ACAN: variants seen among roughly 807,000 people sequenced by gnomAD.
ACAN encodes aggrecan, also known as aggrecan core protein.
Under a neutral mutation model 169.1 loss-of-function variants are expected in ACAN, and 47 were observed. That is an observed-to-expected ratio of 0.28 (90% CI 0.22 to 0.35). The LOEUF (loss-of-function observed/expected upper bound fraction) is 0.35, where lower values mean the gene tolerates loss of function less well. Among genes scored for constraint, ACAN ranks in the 10% least tolerant of loss-of-function variants. ACAN has a pLI of 1.00. For missense variants in ACAN, 2,716 were observed against 2,759.9 expected (o/e 0.98, Z 0.36); for synonymous variants, 1,115 against 1,112.2 (o/e 1.00, Z -0.05).
At chr15:88,865,047 C>G (rs1188440315) in intron 13 of ACAN, among the ~76,000 whole-genome samples, 1 of 152,220 alleles carries the variant, frequency 6.6e-6, no homozygotes, top group Admixed American at 6.5e-5. Context: ...CCAATTCAGA[C>G]AACCACGTGA....
At chr15:88,815,965 A>G (rs557323084) in intron 1 of ACAN, among the ~76,000 whole-genome samples, 80 of 152,270 alleles carry the variant, frequency 5.3e-4, no homozygotes, top group Admixed American at 5.2e-4. Context: ...TCTGAAACCT[A>G]TGGGAAATCC....
At chr15:88,865,537 G>A (rs1177530892) in intron 13 of ACAN, among the ~76,000 whole-genome samples, 3 of 152,302 alleles carry the variant, frequency 2.0e-5, no homozygotes, top group South Asian at 4.1e-4. Flanking sequence ...GCCATTGGAA[G>A]GATAATGAAG....
At chr15:88,829,298 T>C (rs557320928) in intron 1 of ACAN, among the ~76,000 whole-genome samples, 14 of 152,334 alleles carry the variant, frequency 9.2e-5, no homozygotes, top group Admixed American at 8.5e-4. Flanking sequence ...GCTTGCATGA[T>C]GATCCCAATT....
rs1897079947 is a variant in ACAN, at chr15:88,857,394, C to G, written c.4809C>G (p.Asp1603Glu). The change falls in exon 12 of 19, where the codon GAC becomes GAG. Residue 1603 changes from aspartate (D) to glutamate (E), a missense_variant. Coordinates refer to ENST00000560601, the MANE Select transcript of ACAN (RefSeq NM_001369268.1). The stretch of plus-strand genomic sequence containing the variant: ...ACTTGGTGGGGTCAGCTTCTGGAGA[C>G]TTGGACTTGGGCAAACTGCCTTCTG... The part of the protein sequence containing the change: ...KEDLVGSASG[D>E]LDLGKLPSGT... The G allele has an allele frequency of 1.9e-6, 3 of 1,613,930 alleles. No individual in the cohort carries two copies. The East Asian group carries it at 6.7e-5, about 36-fold the overall frequency.
Position 88,807,778 on chromosome 15 carries a change from G to GTGTGTGTC in ACAN, c.-8+3976_-8+3977insCTGTGTGT, listed in dbSNP as rs1895722046. ...TGTGTGTGTGTGTGTGTGTGTGTGT[G>GTGTGTGTC]TGTGTGTGCATGCTGGCAGGGCGGG... On this transcript the variant is annotated intron_variant, in intron 1 of 18. Transcript: ENST00000560601. The surrounding 1 kb of genome is among the most constrained non-coding windows in gnomAD (Gnocchi z 4.0). Among the ~76,000 whole-genome samples the GTGTGTGTC allele has an allele frequency of 6.6e-6, 1 of 152,036 alleles. No homozygotes were observed. Among genetic ancestry groups the GTGTGTGTC allele is most frequent in the Admixed American group, 6.5e-5 (1 of 15,276 alleles).
chr15:88,873,761 C>A lies in ACAN; in HGVS notation c.7448-81C>A. 1.4e-6 allele frequency: 2 copies of A among 1,451,460 alleles called. No individual in the cohort carries two copies. The highest frequency in any genetic ancestry group is 2.4e-5 in the East Asian group (1 of 41,436). The allele number at this position is 1,451,460 out of a possible 1,614,324, so 89.9% of individuals were successfully genotyped here. On this transcript the variant is annotated intron_variant, in intron 17 of 18. Transcript: ENST00000560601. This position sits in a 1 kb window ranked among gnomAD's most constrained non-coding sequence, Gnocchi z 7.5. Reference sequence around the variant, plus strand: ...TGTCAGATGTTGAGGCTGTGTCCCCCACAGTGCCTCGGGTCACAACCAGCA... The same window carrying A: ...TGTCAGATGTTGAGGCTGTGTCCCCAACAGTGCCTCGGGTCACAACCAGCA...
At chr15:88,847,768 A>C (rs1232300405) in intron 8 of ACAN, 143 bp from the exon 9 acceptor site, 4 of 1,111,090 alleles carry the variant, frequency 3.6e-6, no homozygotes, top group Non-Finnish European at 4.9e-6. Context: ...TTGCTGCATA[A>C]GGGGCTTTTT....
chr15:88,874,170 G>T lies in ACAN; in HGVS notation c.7630+146G>T. The stretch of plus-strand genomic sequence containing the variant: ...TCGGGGGGCTGCTCAGTCACAAATA[G>T]CTGACCACTGCCCTTAGAAGGGCCA... On this transcript the variant is annotated intron_variant, in intron 18 of 18. Coordinates refer to ENST00000560601, the MANE Select transcript of ACAN (RefSeq NM_001369268.1). The surrounding 1 kb of genome is among the most constrained non-coding windows in gnomAD (Gnocchi z 7.3). 8.5e-7 allele frequency: 1 copy of T among 1,175,886 alleles called. No individual in the cohort carries two copies. The highest frequency in any genetic ancestry group is 1.2e-6 in the Non-Finnish European group (1 of 820,266). 72.8% of individuals were successfully genotyped at this position (1,175,886 alleles called of 1,614,324 possible).
At chr15:88,847,192 A>G (rs1470271342) in intron 7 of ACAN, 51 bp from the exon 8 acceptor site, 9 of 1,483,476 alleles carry the variant, frequency 6.1e-6, no homozygotes, top group Non-Finnish European at 8.2e-6. Flanking sequence ...GAGCCTTGGA[A>G]GCTGCACACC....
chr15:88,855,298 A>C lies in ACAN; in HGVS notation c.2713A>C (p.Thr905Pro). Residue 905 changes from threonine (T) to proline (P), a missense_variant, in exon 12 of 19, where the codon ACT becomes CCT. Thr to Pro is a conservative substitution (Grantham distance 38). Transcript: ENST00000560601. ...TGGAGACCTGGACTCCAGTGGTCTT[A>C]CTTCCACAGTGGGCTCAGGCCTGCC... is the stretch of plus-strand genomic sequence containing the variant. ...PSGDLDSSGL[T>P]STVGSGLPVE... 1.2e-6 allele frequency: 2 copies of C among 1,611,524 alleles called. No homozygotes were observed. The highest frequency in any genetic ancestry group is 1.7e-4 in the Middle Eastern group (1 of 6,056).
chr15:88,804,688 G>A (rs1320862088), intron 1 of ACAN, among the ~76,000 whole-genome samples: 1 of 152,154 alleles, frequency 6.6e-6, no homozygotes, highest in African/African-American at 2.4e-5. Flanking sequence ...AAGCTGCGGG[G>A]GTGGGGGCTT....
In ACAN at chr15:88,839,927, A is replaced by G; in HGVS notation, c.455-85A>G. The stretch of plus-strand genomic sequence containing the variant: ...CCAGTTCCCTAAGGTCCCTTTGACT[A>G]TTGCCATAATTCTGCGAGGGCCTCG... On this transcript the variant is annotated intron_variant, in intron 3 of 18. Coordinates refer to ENST00000560601, the MANE Select transcript of ACAN (RefSeq NM_001369268.1). The surrounding 1 kb of genome is among the most constrained non-coding windows in gnomAD (Gnocchi z 4.5). The G allele has an allele frequency of 2.0e-6, 3 of 1,486,986 alleles. No homozygotes were observed. The highest frequency in any genetic ancestry group is 2.7e-6 in the Non-Finnish European group (3 of 1,096,608). The allele number at this position is 1,486,986 out of a possible 1,614,324, so 92.1% of individuals were successfully genotyped here.
chr15:88,832,319 G>T (rs556549218), intron 1 of ACAN, among the ~76,000 whole-genome samples: 1 of 141,946 alleles, frequency 7.0e-6, no homozygotes, highest in Non-Finnish European at 1.5e-5. Flanking sequence ...AAAAAAAAAA[G>T]ACTAGAATGG....
rs1039970392 is a variant in ACAN, at chr15:88,860,274, G to T, written c.6833-52G>T. 3.7e-6 allele frequency: 5 copies of T among 1,368,028 alleles called. No homozygotes were observed. In the Admixed American group the frequency reaches 8.0e-5, roughly 22 times the overall value. 84.7% of individuals were successfully genotyped at this position (1,368,028 alleles called of 1,614,324 possible). ...CAACTTTGAGGTCTTGGAGGCCATG[G>T]TAGCCAGGTGACTGTGTTCTTGATG... On this transcript the variant is annotated intron_variant, in intron 12 of 18. Transcript: ENST00000560601.
rs1051326147 is a variant in ACAN at position 88,849,700 on chromosome 15, A to G, written c.1995A>G (p.Pro665=). 4.3e-6 allele frequency: 7 copies of G among 1,613,716 alleles called. No individual in the cohort carries two copies. In the African/African-American group the frequency reaches 8.0e-5, roughly 18 times the overall value. ...LYPNQTGLPD[P]LSRHHAFCFR... ...CTAACCAGACGGGCCTCCCAGACCC[A>G]CTGTCCCGGCACCATGCCTTCTGCT... The change falls in exon 10 of 19, where the codon CCA becomes CCG. Residue 665 remains proline, a synonymous_variant. Transcript: ENST00000560601. This position sits in a 1 kb window ranked among gnomAD's most constrained non-coding sequence, Gnocchi z 5.1.
intron 13 of ACAN, among the ~76,000 whole-genome samples, chr15:88,867,243 C>T (rs1317969464): frequency 6.6e-6 from 1 of 152,218 alleles, no homozygotes; most frequent in Non-Finnish European, 1.5e-5. Flanking sequence ...TGGCCAATGA[C>T]TTACCAATTC....
chr15:88,866,148 A>C lies in ACAN; in HGVS notation c.6947-2068A>C, dbSNP rs1172230219. 2.0e-5 allele frequency among the ~76,000 whole-genome samples: 3 copies of C among 152,072 alleles called. No homozygotes were observed. Among genetic ancestry groups the C allele is most frequent in the African/African-American group, 7.2e-5 (3 of 41,406 alleles). The stretch of plus-strand genomic sequence containing the variant: ...GCAGCCTGGGAGCAGGTTTTATGCG[A>C]CCAGCCTCTGAGACAACTGGATACC... On this transcript the variant is annotated intron_variant, in intron 13 of 18. Transcript: ENST00000560601. The surrounding 1 kb of genome is among the most constrained non-coding windows in gnomAD (Gnocchi z 5.6).
chr15:88,817,957 G>A (rs1895984132), intron 1 of ACAN, among the ~76,000 whole-genome samples: 1 of 151,950 alleles, frequency 6.6e-6, no homozygotes, highest in Non-Finnish European at 1.5e-5. Context: ...ATTTCTGTCT[G>A]TCTTTCCTGT....
At chr15:88,844,186 G>T (rs1039504634) in intron 6 of ACAN, among the ~76,000 whole-genome samples, 6 of 151,926 alleles carry the variant, frequency 3.9e-5, no homozygotes, top group Non-Finnish European at 8.8e-5. Flanking sequence ...CAAGGCAAGA[G>T]TTCAGTGGTG....
Sources: allele counts gnomAD v4.1 joint callset (sites outside exome capture counted in the v4.1 genomes callset), GRCh38; gene constraint gnomAD v4.1.1; non-coding constraint Gnocchi (gnomAD v3.1); transcripts MANE v1.5; gene names NCBI Gene and HGNC (gene_info 2026-07-23, HGNC 2026-07-21).